Variants in LRRC15 observed in about 807,000 individuals in gnomAD.
LRRC15 encodes leucine rich repeat containing 15.
Under a neutral mutation model 4.3 loss-of-function variants are expected in LRRC15, and 5 were observed. The observed-to-expected ratio is 1.16, with a 90% CI of 0.61 to 2.44. The LOEUF (loss-of-function observed/expected upper bound fraction) is 2.44. Among genes scored for constraint, LRRC15 ranks in the 30% most tolerant of loss-of-function variants. The pLI is 0.01. For synonymous variants in LRRC15, 337 were observed against 323.2 expected, an observed-to-expected ratio of 1.04 and a Z score of -0.46; for missense variants, 769 against 747.0, an observed-to-expected ratio of 1.03 and a Z score of -0.34.
In LRRC15 at chr3:194,357,183, A is replaced by C. The variant is rs3796155; in HGVS notation, c.*2115T>G. 15,018 of 152,238 alleles carry C rather than the reference A, an allele frequency of 0.099. 837 individuals carry two copies. Among genetic ancestry groups the C allele is most frequent in the African/African-American group, 0.11 (4,438 of 41,526 alleles). 9.4% of individuals were successfully genotyped at this position (152,238 alleles called of 1,614,324 possible). On this transcript the variant is annotated 3_prime_UTR_variant, in exon 2 of 2. Transcript: ENST00000347624. ...TTTTGTGCAGGAACTGGAAGGGAAA[A>C]CTGGTCAGCACGTGCTCCTGTGGCC...
chr3:194,359,377 G>T lies in LRRC15; in HGVS notation c.1667C>A (p.Ala556Asp). The change falls in exon 2 of 2, where the codon GCT (alanine) becomes GAT (aspartate). Residue 556 changes from alanine to aspartate, a missense_variant. Coordinates refer to ENST00000347624, the MANE Select transcript of LRRC15 (RefSeq NM_130830.5). ...GCAGCAGCAACAGCCGACGCAGGCAGCCAGGGAGCAGGCCAGGGCGACAAT... is the reference window on the plus strand; with the variant it reads ...GCAGCAGCAACAGCCGACGCAGGCATCCAGGGAGCAGGCCAGGGCGACAAT... ...IGIVALACSLAACVGCCCCKK... is the reference protein window; with the variant it reads ...IGIVALACSLDACVGCCCCKK... 1.2e-6 allele frequency: 2 copies of T among 1,614,176 alleles called. No individual in the cohort carries two copies. The highest frequency in any genetic ancestry group is 1.7e-6 in the Non-Finnish European group (2 of 1,180,022).
rs746697817 is a variant in LRRC15, at chr3:194,359,703, C to T, written c.1341G>A (p.Thr447=). 7.4e-6 allele frequency: 12 copies of T among 1,614,060 alleles called. No homozygotes were observed. In the African/African-American group the frequency reaches 8.0e-5, roughly 11 times the overall value. ...WLLLNQPRLG[T]DTVPVCFSPA... is the part of the protein sequence containing the mutation. Reference sequence around the variant, plus strand: ...GGCTGAAACACACAGGTACAGTGTCCGTCCCTAACCTAGGCTGGTTGAGCA... The same window carrying T: ...GGCTGAAACACACAGGTACAGTGTCTGTCCCTAACCTAGGCTGGTTGAGCA... Residue 447 remains threonine, a synonymous_variant, in exon 2 of 2, where the codon ACG becomes ACA. Transcript: ENST00000347624.
rs143533504 is a variant in LRRC15 at position 194,365,365 on chromosome 3, C to T, written c.-4+4296G>A. Among the ~76,000 whole-genome samples the T allele has an allele frequency of 5.5e-3, 841 of 152,014 alleles. 5 individuals carry two copies. The highest frequency in any genetic ancestry group is 0.019 in the African/African-American group (796 of 41,546). On this transcript the variant is annotated intron_variant, in intron 1 of 1. Coordinates refer to ENST00000347624, the MANE Select transcript of LRRC15 (RefSeq NM_130830.5). ...TCACGAGCAAACGCGTAATTAGCCT[C>T]GAAGCCCTGGGCTTTGTTGGTTGGT...
chr3:194,360,972 G>C lies in LRRC15; in HGVS notation c.72C>G (p.Gly24=). The C allele has an allele frequency of 1.3e-6, 2 of 1,561,286 alleles. No homozygotes were observed. The highest frequency in any genetic ancestry group is 4.5e-5 in the East Asian group (2 of 44,492). ...TGGAGCAGGTACACTCGCTAGGGCA[G>C]CCATGGTAGGCCAACCCTGCACCCC... The part of the protein sequence containing the change: ...QAWGAGLAYH[G]CPSECTCSRA... Residue 24 remains glycine (G), a synonymous_variant, in exon 2 of 2, where the codon GGC becomes GGG. Coordinates refer to ENST00000347624, the MANE Select transcript of LRRC15 (RefSeq NM_130830.5).
At position 194,359,562 on chromosome 3, in the gene LRRC15, G is replaced by C; in HGVS notation, c.1482C>G (p.Pro494=). ...YPETPWYPDT[P]SYPDTTSVSS... ...AGACGGATGTGGTGTCAGGGTAACTGGGTGTGTCTGGGTACCATGGTGTTT... is the reference window on the plus strand; with the variant it reads ...AGACGGATGTGGTGTCAGGGTAACTCGGTGTGTCTGGGTACCATGGTGTTT... Residue 494 remains proline, a synonymous_variant, in exon 2 of 2, where the codon CCC becomes CCG. Coordinates refer to ENST00000347624, the MANE Select transcript of LRRC15 (RefSeq NM_130830.5). 1 of 1,614,012 alleles carries C rather than the reference G, an allele frequency of 6.2e-7. No homozygotes were observed.
At chr3:194,363,339 GAAAGGAAA>G (rs1410678658) in intron 1 of LRRC15, 2 of 713,120 alleles carry the variant, frequency 2.8e-6, no homozygotes, top group Non-Finnish European at 5.2e-6. Context: ...ATGGAAACAA[GAAAGGAAA>G]AAGAATACCT....
chr3:194,362,625 A>G (rs1008824712), intron 1 of LRRC15, among the ~76,000 whole-genome samples: 2 of 152,238 alleles, frequency 1.3e-5, no homozygotes, highest in African/African-American at 2.4e-5. Context: ...CTTAAAGCCC[A>G]GGTCTCCAGA....
Position 194,360,951 on chromosome 3 carries a change from G to T in LRRC15, c.93C>A (p.Cys31Ter). ...TGCACTCCACCTGGGAGGCCCTGGAGCAGGTACACTCGCTAGGGCAGCCAT... is the reference window on the plus strand; with the variant it reads ...TGCACTCCACCTGGGAGGCCCTGGATCAGGTACACTCGCTAGGGCAGCCAT... The part of the protein sequence containing the change: ...AYHGCPSECT[C>*]SRASQVECTG... Residue 31 changes from cysteine to a stop codon, truncating the protein, a stop_gained, in exon 2 of 2, where the codon TGC becomes TGA. Coordinates refer to ENST00000347624, the MANE Select transcript of LRRC15 (RefSeq NM_130830.5). LOFTEE classifies it low-confidence loss of function (END_TRUNC). 1 of 1,588,268 alleles carries T rather than the reference G, an allele frequency of 6.3e-7. No homozygotes were observed.
Position 194,359,621 on chromosome 3 carries a change from T to G in LRRC15, c.1423A>C (p.Ser475Arg). The change falls in exon 2 of 2, where the codon AGC becomes CGC. Residue 475 changes from serine (S) to arginine (R), a missense_variant. By Grantham distance (110) the Ser-to-Arg change is moderately radical (BLOSUM62 -1). Coordinates refer to ENST00000347624, the MANE Select transcript of LRRC15 (RefSeq NM_130830.5). ...CTAGGCACCTCGGGGACATGGACGC[T>G]TGGAACAGCAACGTTGACATTGATG... is the stretch of plus-strand genomic sequence containing the variant. ...IIINVNVAVP[S>R]VHVPEVPSYP... is the part of the protein sequence containing the mutation. 1 of 1,613,894 alleles carries G rather than the reference T, an allele frequency of 6.2e-7. No individual in the cohort carries two copies.
chr3:194,361,395 T>A (rs1713624901), intron 1 of LRRC15, among the ~76,000 whole-genome samples: 2 of 151,776 alleles, frequency 1.3e-5, no homozygotes, highest in South Asian at 4.2e-4. Context: ...CCAGTCTCCA[T>A]CATTGGCCAC....
Position 194,358,295 on chromosome 3 carries a change from A to C in LRRC15, c.*1003T>G, listed in dbSNP as rs899586720. 4 of 152,198 alleles carry C rather than the reference A, an allele frequency of 2.6e-5. No homozygotes were observed. The highest frequency in any genetic ancestry group is 2.6e-4 in the Admixed American group (4 of 15,278). The allele number at this position is 152,198 out of a possible 1,614,324, so 9.4% of individuals were successfully genotyped here. On this transcript the variant is annotated 3_prime_UTR_variant, in exon 2 of 2. Coordinates refer to ENST00000347624, the MANE Select transcript of LRRC15 (RefSeq NM_130830.5). ...GGGTCTAGATGCTGATTACACAGGT[A>C]TGTTCAGTTTGTGAAAATCCACCAA...
chr3:194,360,228 G>A lies in LRRC15; in HGVS notation c.816C>T (p.Asn272=). The part of the protein sequence containing the change: ...PSVFMQLPQL[N]RLTLFGNSLK... ...GGGAATTCCCAAAGAGAGTAAGACG[G>A]TTGAGCTGGGGCAGCTGCATGAAGA... Residue 272 remains asparagine, a synonymous_variant, in exon 2 of 2, where the codon AAC becomes AAT. Transcript: ENST00000347624. 1 of 1,613,838 alleles carries A rather than the reference G, an allele frequency of 6.2e-7. No homozygotes were observed. The highest frequency in any genetic ancestry group is 1.3e-5 in the African/African-American group (1 of 75,052).
Position 194,360,173 on chromosome 3 carries a change from G to T in LRRC15, c.871C>A (p.Pro291Thr), listed in dbSNP as rs751427362. Residue 291 changes from proline (P) to threonine (T), a missense_variant, in exon 2 of 2, where the codon CCC becomes ACC. Coordinates refer to ENST00000347624, the MANE Select transcript of LRRC15 (RefSeq NM_130830.5). ...CAAAGCTCCCGCAGGTTGGGCATGG[G>T]CCCGAAGATCCCCGGAGAGAGCTCC... Reference protein sequence around the residue: ...LKELSPGIFGPMPNLRELWLY... With the variant: ...LKELSPGIFGTMPNLRELWLY... The T allele has an allele frequency of 1.8e-5, 29 of 1,613,858 alleles. No individual in the cohort carries two copies. The East Asian group carries it at 6.5e-4, about 36-fold the overall frequency.
Position 194,360,762 on chromosome 3 carries a change from AG to A in LRRC15, c.281del (p.Pro94LeufsTer80). ...GCGAGCCCAGGTTTCGGAAGGCCCC[AG>A]GCGTGATGCGCGACAGCTCATTCTT... ...IEKNELSRIT[P>X]GAFRNLGSLR... On this transcript the variant is annotated frameshift_variant, in exon 2 of 2. Coordinates refer to ENST00000347624, the MANE Select transcript of LRRC15 (RefSeq NM_130830.5). LOFTEE classifies it low-confidence loss of function (END_TRUNC). 1.2e-6 allele frequency: 2 copies of A among 1,614,232 alleles called. No homozygotes were observed. The highest frequency in any genetic ancestry group is 1.7e-6 in the Non-Finnish European group (2 of 1,180,028).
At chr3:194,362,138 A>ATGTG (rs912037784) in intron 1 of LRRC15, among the ~76,000 whole-genome samples, 10 of 123,068 alleles carry the variant, frequency 8.1e-5, no homozygotes, top group South Asian at 2.4e-4. Context: ...GTGTGTGTGT[A>ATGTG]TGTGTGTGTG....
intron 1 of LRRC15, 129 bp from the exon 2 acceptor site, chr3:194,361,175 G>T: frequency 1.4e-6 from 1 of 717,346 alleles, no homozygotes; most frequent in Non-Finnish European, 2.2e-6. Flanking sequence ...CTGAACACAT[G>T]CTCTCTCTGC....
At position 194,356,773 on chromosome 3, in the gene LRRC15, C is replaced by T. The variant is rs2108655582; in HGVS notation, c.*2525G>A. The T allele has an allele frequency of 6.6e-6, 1 of 152,424 alleles. No homozygotes were observed. The highest frequency in any genetic ancestry group is 2.4e-5 in the African/African-American group (1 of 41,592). 9.4% of individuals were successfully genotyped at this position (152,424 alleles called of 1,614,324 possible). Reference sequence around the variant, plus strand: ...AGGGCCCACCGGATGATGAGGTTTCCCACCTCCCTCCAGCCCTGGCCCACT... The same window carrying T: ...AGGGCCCACCGGATGATGAGGTTTCTCACCTCCCTCCAGCCCTGGCCCACT... On this transcript the variant is annotated 3_prime_UTR_variant, in exon 2 of 2. Transcript: ENST00000347624.
At position 194,360,585 on chromosome 3, in the gene LRRC15, C is replaced by T; in HGVS notation, c.459G>A (p.Glu153=). Residue 153 remains glutamate, a synonymous_variant, in exon 2 of 2, where the codon GAG becomes GAA. Coordinates refer to ENST00000347624, the MANE Select transcript of LRRC15 (RefSeq NM_130830.5). Reference sequence around the variant, plus strand: ...CCAGGTGGTTGCCGTGCAACTGCAGCTCCTTGAGGTTGCTGCACTGGGAGA... The same window carrying T: ...CCAGGTGGTTGCCGTGCAACTGCAGTTCCTTGAGGTTGCTGCACTGGGAGA... The part of the protein sequence containing the change: ...AHFSQCSNLK[E]LQLHGNHLEY... 6.2e-7 allele frequency: 1 copy of T among 1,614,126 alleles called. No homozygotes were observed.
In LRRC15 at chr3:194,359,351, T is replaced by A. The variant is rs749669610; in HGVS notation, c.1693A>T (p.Lys565Ter). 6.2e-7 allele frequency: 1 copy of A among 1,613,704 alleles called. No homozygotes were observed. Among genetic ancestry groups the A allele is most frequent in the Admixed American group, 1.7e-5 (1 of 60,022 alleles). Reference sequence around the variant, plus strand: ...ATCAGGACAGCTTGGCTCCTCTTCTTGCAGCAGCAACAGCCGACGCAGGCA... The same window carrying A: ...ATCAGGACAGCTTGGCTCCTCTTCTAGCAGCAGCAACAGCCGACGCAGGCA... ...LAACVGCCCC[K>*]KRSQAVLMQM... The change falls in exon 2 of 2, where the codon AAG (lysine) becomes TAG (stop). Residue 565 changes from lysine to a stop codon, truncating the protein, a stop_gained. Transcript: ENST00000347624. LOFTEE classifies it high-confidence loss of function.
Sources: gnomAD v4.1 joint callset for allele counts (sites outside exome capture counted in the v4.1 genomes callset) on GRCh38, gnomAD v4.1.1 for gene constraint, MANE v1.5 for transcripts, NCBI Gene and HGNC (gene_info 2026-07-23, HGNC 2026-07-21) for gene names.